CENPP: variants seen among roughly 807,000 people sequenced by gnomAD.
CENPP encodes the protein centromere protein P.
Under a neutral mutation model 35.6 loss-of-function variants are expected in CENPP, and 24 were observed. The ratio of observed to expected loss-of-function variants is 0.67; its 90% CI spans 0.49 to 0.95. The LOEUF is 0.95. CENPP is among the 40% of genes least tolerant of loss of function. The pLI, the probability that CENPP is intolerant of heterozygous loss-of-function variation, is 0.00. For missense variants in CENPP, 332 were observed against 345.3 expected (o/e 0.96, Z 0.31); for synonymous variants, 120 against 125.5 (o/e 0.96, Z 0.29).
intron 5 of CENPP, among the ~76,000 whole-genome samples, chr9:92,608,394 C>CT (rs1350158310): frequency 6.6e-6 from 1 of 152,216 alleles, no homozygotes; most frequent in African/African-American, 2.4e-5. Context: ...GTACATACCT[C>CT]TTCCTCATCA....
chr9:92,407,366 A>G (rs1487002188), intron 5 of CENPP, among the ~76,000 whole-genome samples: 1 of 152,188 alleles, frequency 6.6e-6, no homozygotes, highest in Non-Finnish European at 1.5e-5. Flanking sequence ...CACTCCTATC[A>G]GAAATAACAT....
chr9:92,358,001 T>C (rs906937082), intron 4 of CENPP, among the ~76,000 whole-genome samples: 3 of 152,194 alleles, frequency 2.0e-5, no homozygotes, highest in Non-Finnish European at 4.4e-5. Context: ...AGATATTCTC[T>C]CTTTGTCTTT....
intron 4 of CENPP, among the ~76,000 whole-genome samples, chr9:92,358,370 G>A (rs910545371): frequency 6.6e-6 from 1 of 152,020 alleles, no homozygotes; most frequent in Non-Finnish European, 1.5e-5. Context: ...AGCCTCCCGA[G>A]TAGCTGGGAT....
In CENPP at chr9:92,329,095, G is replaced by T. The variant is rs1378068822; in HGVS notation, c.107+2990G>T. Reference sequence around the variant, plus strand: ...GATGACTTGGTTCTCTTACCACTTTGCTCTATCGGAAATACCTTGAAATTT... The same window carrying T: ...GATGACTTGGTTCTCTTACCACTTTTCTCTATCGGAAATACCTTGAAATTT... On this transcript the variant is annotated intron_variant, in intron 1 of 7. Coordinates refer to ENST00000375587, the MANE Select transcript of CENPP (RefSeq NM_001012267.3). 2.6e-5 allele frequency among the ~76,000 whole-genome samples: 4 copies of T among 151,442 alleles called. No homozygotes were observed. In the East Asian group the frequency reaches 5.8e-4, roughly 22 times the overall value.
chr9:92,567,391 T>TATATATATATATATATATATATATAG (rs374567670), intron 5 of CENPP, among the ~76,000 whole-genome samples: 7 of 98,376 alleles, frequency 7.1e-5, no homozygotes, highest in South Asian at 5.2e-4. Flanking sequence ...TATATATATA[T>TATATATATATATATATATATATATAG]ATATAGATAT....
intron 5 of CENPP, among the ~76,000 whole-genome samples, chr9:92,420,513 C>T (rs1843757957): frequency 6.6e-6 from 1 of 152,172 alleles, no homozygotes; most frequent in African/African-American, 2.4e-5. Context: ...CCACTAACCT[C>T]AAGTGCTGTC....
chr9:92,351,905 G>A (rs12156580), intron 4 of CENPP, among the ~76,000 whole-genome samples: 3 of 151,912 alleles, frequency 2.0e-5, no homozygotes, highest in Admixed American at 6.6e-5. Flanking sequence ...GATTACAGGC[G>A]TGAGCCACTG....
At chr9:92,418,618 G>A (rs999878723) in intron 5 of CENPP, among the ~76,000 whole-genome samples, 16 of 152,096 alleles carry the variant, frequency 1.1e-4, no homozygotes, top group Admixed American at 7.2e-4. Context: ...CACTGCCTGG[G>A]GGAGGAAAGA....
chr9:92,462,913 G>C (rs1450605088), intron 5 of CENPP, among the ~76,000 whole-genome samples: 1 of 152,210 alleles, frequency 6.6e-6, no homozygotes, highest in Non-Finnish European at 1.5e-5. Context: ...ATCTAGAATA[G>C]GTTGTACAAA....
intron 5 of CENPP, chr9:92,415,070 T>G (rs1413597351): frequency 3.9e-6 from 4 of 1,029,242 alleles, no homozygotes; most frequent in Non-Finnish European, 5.6e-6. Flanking sequence ...TATATTACTT[T>G]GAGTAATACA....
chr9:92,416,113 T>A (rs1289178174), intron 5 of CENPP, among the ~76,000 whole-genome samples: 1 of 147,524 alleles, frequency 6.8e-6, no homozygotes, highest in African/African-American at 2.5e-5. Context: ...ATTTTTTTTT[T>A]TTTTAAGACA....
chr9:92,364,057 C>G (rs557075201), intron 4 of CENPP, among the ~76,000 whole-genome samples: 3 of 151,992 alleles, frequency 2.0e-5, no homozygotes, highest in Non-Finnish European at 4.4e-5. Flanking sequence ...GCCATGTTGC[C>G]CAGGCTGGTC....
At chr9:92,366,535 T>G (rs1195901819) in intron 4 of CENPP, among the ~76,000 whole-genome samples, 2 of 152,242 alleles carry the variant, frequency 1.3e-5, no homozygotes, top group Non-Finnish European at 2.9e-5. Context: ...TATTTACAGA[T>G]CACTCAACTG....
intron 5 of CENPP, among the ~76,000 whole-genome samples, chr9:92,450,001 A>G (rs2131019392): frequency 6.6e-6 from 1 of 152,312 alleles, no homozygotes; most frequent in East Asian, 1.9e-4. Context: ...GGGAAAATAG[A>G]TTAAGGAGAA....
intron 5 of CENPP, chr9:92,509,833 A>C: frequency 6.8e-7 from 1 of 1,476,260 alleles, no homozygotes; most frequent in Non-Finnish European, 9.0e-7. Flanking sequence ...AGTAAATAAA[A>C]TTTCTACAGG....
At chr9:92,410,557 G>A (rs1352171864) in intron 5 of CENPP, among the ~76,000 whole-genome samples, 2 of 152,134 alleles carry the variant, frequency 1.3e-5, no homozygotes. Flanking sequence ...GTCCAATAGT[G>A]GTTGTGAACT....
At chr9:92,582,042 GTTTT>G (rs1348782362) in intron 5 of CENPP, among the ~76,000 whole-genome samples, 6 of 151,844 alleles carry the variant, frequency 4.0e-5, no homozygotes, top group African/African-American at 1.4e-4. Flanking sequence ...GTTTTGTTTT[GTTTT>G]GTTTTGTTTT....
At chr9:92,340,984 A>T (rs1841097438) in intron 3 of CENPP, among the ~76,000 whole-genome samples, 1 of 152,206 alleles carries the variant, frequency 6.6e-6, no homozygotes, top group East Asian at 1.9e-4. Context: ...TGGCAGAAAT[A>T]TGGCTGAATT....
intron 5 of CENPP, among the ~76,000 whole-genome samples, chr9:92,502,949 A>G (rs969723093): frequency 6.6e-6 from 1 of 151,654 alleles, no homozygotes; most frequent in Non-Finnish European, 1.5e-5. Flanking sequence ...CTGAGACTAC[A>G]GGTATGCGCC....
Sources: gnomAD v4.1 joint callset for allele counts (sites outside exome capture counted in the v4.1 genomes callset) on GRCh38, gnomAD v4.1.1 for gene constraint, MANE v1.5 for transcripts, NCBI Gene and HGNC (gene_info 2026-07-23, HGNC 2026-07-21) for gene names.